The following SAMD5 variants were observed in gnomAD, a reference collection of about 807,000 sequenced individuals.
The protein encoded by SAMD5 is sterile alpha motif domain-containing protein 5.
A neutral mutation model predicts 11.3 loss-of-function variants in SAMD5; 13 were observed. The ratio of observed to expected loss-of-function variants is 1.15; its 90% CI spans 0.75 to 1.83. The LOEUF is 1.83. Ranked by LOEUF, SAMD5 falls within the 40% of genes most tolerant of loss-of-function variation. The pLI, the probability that SAMD5 is intolerant of heterozygous loss-of-function variation, is 0.00. For missense variants in SAMD5, 255 were observed against 239.1 expected (o/e 1.07, Z -0.44); for synonymous variants, 129 against 111.3 (o/e 1.16, Z -1.00).
intron 1 of SAMD5, among the ~76,000 whole-genome samples, chr6:147,697,272 A>G (rs1277669229): frequency 6.6e-6 from 1 of 152,224 alleles, no homozygotes; most frequent in East Asian, 1.9e-4. Context: ...ATCTAGATTC[A>G]TGGATTCTAA....
At chr6:147,560,482 A>T (rs376749277) in intron 1 of SAMD5, among the ~76,000 whole-genome samples, 9 of 152,198 alleles carry the variant, frequency 5.9e-5, no homozygotes, top group African/African-American at 2.2e-4. Context: ...CACCGGTTAT[A>T]TTTCTTCAGC....
intron 1 of SAMD5, among the ~76,000 whole-genome samples, chr6:147,730,556 G>A (rs1791699335): frequency 6.6e-6 from 1 of 152,190 alleles, no homozygotes; most frequent in South Asian, 2.1e-4. Context: ...AGTTCAGTTT[G>A]GGGTAGCTTG....
rs138489807 is a variant in SAMD5, at chr6:147,521,819, G to C, written c.459+12432G>C. ...TTCCTTGCCATTCTGTGGAGAGTGG[G>C]TGTTCTTGTCATAATTTTAAAACCT... On this transcript the variant is annotated intron_variant, in intron 1 of 1. Transcript: ENST00000367474. Among the ~76,000 whole-genome samples, 633 of 152,048 alleles carry C rather than the reference G, an allele frequency of 4.2e-3. 3 individuals are homozygous for C. Among genetic ancestry groups the C allele is most frequent in the African/African-American group, 0.014 (579 of 41,512 alleles).
chr6:147,715,764 A>G (rs531139340), intron 1 of SAMD5, among the ~76,000 whole-genome samples: 1 of 152,294 alleles, frequency 6.6e-6, no homozygotes, highest in Admixed American at 6.5e-5. Context: ...GAGGAGACCC[A>G]CAGTGGATAG....
the SAMD5 span, among the ~76,000 whole-genome samples, chr6:147,905,991 G>A: frequency 6.6e-6 from 1 of 152,140 alleles, no homozygotes; most frequent in Non-Finnish European, 1.5e-5. Flanking sequence ...CTGGTCCACA[G>A]CGAGATCTCA....
At chr6:147,656,899 C>CGTGT (rs55906300) in intron 1 of SAMD5, among the ~76,000 whole-genome samples, 17,268 of 148,996 alleles carry the variant, frequency 0.12, 1,300 homozygotes, top group Non-Finnish European at 0.18. Flanking sequence ...ATACAGTATA[C>CGTGT]GTGTGTGTGT....
the SAMD5 span, among the ~76,000 whole-genome samples, chr6:147,803,240 CT>C: frequency 7.3e-6 from 1 of 137,674 alleles, no homozygotes; most frequent in Non-Finnish European, 1.5e-5. Flanking sequence ...GTATATGTTT[CT>C]TCGTTGATTC....
intron 1 of SAMD5, among the ~76,000 whole-genome samples, chr6:147,690,232 C>T (rs1220668540): frequency 6.6e-6 from 1 of 152,188 alleles, no homozygotes; most frequent in Non-Finnish European, 1.5e-5. Flanking sequence ...CTATATTATA[C>T]TCTGTGGCAC....
the SAMD5 span, among the ~76,000 whole-genome samples, chr6:147,877,783 G>T: frequency 6.6e-6 from 1 of 151,006 alleles, no homozygotes; most frequent in East Asian, 2.0e-4. Context: ...TTTTGGGCTT[G>T]TAAGCCCCTA....
intron 1 of SAMD5, among the ~76,000 whole-genome samples, chr6:147,654,235 T>C (rs1031412155): frequency 3.3e-5 from 5 of 152,174 alleles, no homozygotes; most frequent in Non-Finnish European, 2.9e-5. Context: ...TCATGGTCTG[T>C]AGGTGGTGAT....
chr6:147,878,081 A>G, the SAMD5 span, among the ~76,000 whole-genome samples: 24 of 151,692 alleles, frequency 1.6e-4, no homozygotes, highest in African/African-American at 5.8e-4. Flanking sequence ...CCCAGCCTAT[A>G]TATGATATAT....
the SAMD5 span, among the ~76,000 whole-genome samples, chr6:147,829,114 A>G: frequency 6.6e-6 from 1 of 152,366 alleles, no homozygotes; most frequent in South Asian, 2.1e-4. Flanking sequence ...TCAGAGAGGT[A>G]AGTTTAGGCC....
At chr6:147,942,936 C>T in the SAMD5 span, among the ~76,000 whole-genome samples, 7 of 151,486 alleles carry the variant, frequency 4.6e-5, no homozygotes, top group East Asian at 1.4e-3. Context: ...GCCTCAGGCT[C>T]CCAAGTAGCT....
intron 1 of SAMD5, among the ~76,000 whole-genome samples, chr6:147,699,015 G>A (rs1399828394): frequency 6.6e-6 from 1 of 152,122 alleles, no homozygotes; most frequent in African/African-American, 2.4e-5. Context: ...GGAGTGCTGG[G>A]GTAGAGATAG....
In SAMD5 at chr6:147,711,058, AAAG is replaced by A. The variant is rs796226012; in HGVS notation, c.163-26255_163-26253del. On this transcript the variant is annotated intron_variant, in intron 1 of 1. Coordinates refer to the SAMD5 transcript ENST00000566741. This position sits in a 1 kb window ranked among gnomAD's most constrained non-coding sequence, Gnocchi z 4.1. ...GGAAGGAAAATGAAAGAAGGAAGGA[AAAG>A]AAGGAAGGAAGGAAGGGAAGGAAGG... 2.0e-5 allele frequency among the ~76,000 whole-genome samples: 3 copies of A among 151,572 alleles called. No homozygotes were observed. The highest frequency in any genetic ancestry group is 7.3e-5 in the African/African-American group (3 of 41,358).
chr6:147,715,829 A>C (rs9403879), intron 1 of SAMD5, among the ~76,000 whole-genome samples: 116,232 of 151,778 alleles, frequency 0.77, 45,576 homozygotes, highest in African/African-American at 0.93. Context: ...GCAGAGGAGA[A>C]CCTGGAGTGG....
At chr6:147,916,639 C>T in the SAMD5 span, among the ~76,000 whole-genome samples, 1 of 151,882 alleles carries the variant, frequency 6.6e-6, no homozygotes, top group African/African-American at 2.4e-5. Context: ...AGGTGCCATG[C>T]TGGTGTGCTG....
intron 1 of SAMD5, among the ~76,000 whole-genome samples, chr6:147,592,625 C>T (rs1414445248): frequency 6.6e-6 from 1 of 151,798 alleles, no homozygotes; most frequent in Non-Finnish European, 1.5e-5. Flanking sequence ...TAATAACACC[C>T]AGCAACTAGA....
intron 1 of SAMD5, among the ~76,000 whole-genome samples, chr6:147,677,826 A>G (rs984864591): frequency 6.6e-6 from 1 of 152,144 alleles, no homozygotes; most frequent in Non-Finnish European, 1.5e-5. Flanking sequence ...CCAACCAAAA[A>G]GTGAGCAAGC....
Sources: gnomAD v4.1 joint callset for allele counts (sites outside exome capture counted in the v4.1 genomes callset) on GRCh38, gnomAD v4.1.1 for gene constraint, Gnocchi (gnomAD v3.1) non-coding constraint, MANE v1.5 for transcripts, NCBI Gene and HGNC (gene_info 2026-07-23, HGNC 2026-07-21) for gene names.